The following DOCK4 variants were observed in gnomAD, a reference collection of about 807,000 sequenced individuals.
DOCK4 encodes dedicator of cytokinesis 4, also known as dedicator of cytokinesis protein 4.
A neutral mutation model predicts 268.1 loss-of-function variants in DOCK4; 97 were observed. The observed-to-expected ratio is 0.36, with a 90% CI of 0.31 to 0.43. DOCK4 has a LOEUF of 0.43. Ranked by LOEUF, DOCK4 falls within the 20% of genes least tolerant of loss-of-function variation. The pLI, the probability that DOCK4 is intolerant of heterozygous loss-of-function variation, is 1.00. For synonymous variants in DOCK4, 954 were observed against 887.2 expected (o/e 1.08, Z -1.34); for missense variants, 2,145 against 2,455.7 (o/e 0.87, Z 2.67).
Position 111,915,924 on chromosome 7 carries a change from C to G in DOCK4, c.1067-20G>C. On this transcript the variant is annotated intron_variant, in intron 12 of 52. Transcript: ENST00000428084. ...CTAAACCTAAAACAGATGAGAGATA[C>G]CCGAGTTAAAAACAGAATAGAAATA... is the stretch of plus-strand genomic sequence containing the variant. 1 of 1,603,752 alleles carries G rather than the reference C, an allele frequency of 6.2e-7. No individual in the cohort carries two copies.
chr7:112,063,726 A>T (rs1238390049), intron 1 of DOCK4, among the ~76,000 whole-genome samples: 1 of 152,200 alleles, frequency 6.6e-6, no homozygotes, highest in Non-Finnish European at 1.5e-5. Context: ...TCATCTTCCA[A>T]TTTAGGGTCT....
At chr7:111,808,352 T>C (rs1334323703) in intron 30 of DOCK4, among the ~76,000 whole-genome samples, 2 of 152,220 alleles carry the variant, frequency 1.3e-5, no homozygotes, top group Admixed American at 1.3e-4. Context: ...CAACTGCAGA[T>C]GCTTTTAAAA....
intron 1 of DOCK4, among the ~76,000 whole-genome samples, chr7:112,105,621 CTCTTTCTTCTTTT>C (rs1052594287): frequency 1.7e-4 from 25 of 148,956 alleles, no homozygotes; most frequent in African/African-American, 5.4e-4. Flanking sequence ...TTCCTTTTTC[CTCTTTCTTCTTTT>C]TCTTTCTTCT....
At chr7:111,935,710 G>T in intron 11 of DOCK4, 82 bp from the exon 12 acceptor site, 1 of 1,220,744 alleles carries the variant, frequency 8.2e-7, no homozygotes, top group Non-Finnish European at 1.2e-6. Flanking sequence ...TGCCCTTTTC[G>T]TTATAACCAC....
chr7:112,083,774 G>A (rs1284326134), intron 1 of DOCK4, among the ~76,000 whole-genome samples: 1 of 152,136 alleles, frequency 6.6e-6, no homozygotes, highest in Non-Finnish European at 1.5e-5. Flanking sequence ...ACTACATATA[G>A]TATGGAACCT....
intron 42 of DOCK4, among the ~76,000 whole-genome samples, chr7:111,750,228 A>G (rs1796541213): frequency 1.3e-5 from 2 of 152,128 alleles, no homozygotes; most frequent in Non-Finnish European, 1.5e-5. Flanking sequence ...TGATCCATTC[A>G]TTTTCTTTAC....
intron 1 of DOCK4, among the ~76,000 whole-genome samples, chr7:112,014,765 C>T (rs1278774554): frequency 2.0e-5 from 3 of 152,032 alleles, no homozygotes; most frequent in East Asian, 1.9e-4. Flanking sequence ...ATAAGCCAGG[C>T]GTGGTGGTGT....
chr7:111,893,489 TCTGAG>T (rs1808464532), intron 16 of DOCK4, among the ~76,000 whole-genome samples: 1 of 152,194 alleles, frequency 6.6e-6, no homozygotes, highest in Non-Finnish European at 1.5e-5. Flanking sequence ...CCTTATCTTT[TCTGAG>T]CTAAGATTTA....
At chr7:112,072,246 C>T (rs981441990) in intron 1 of DOCK4, among the ~76,000 whole-genome samples, 5 of 151,866 alleles carry the variant, frequency 3.3e-5, no homozygotes, top group African/African-American at 7.3e-5. Context: ...AAAAATCTAT[C>T]TATAACCAGA....
intron 1 of DOCK4, among the ~76,000 whole-genome samples, chr7:112,082,427 G>C (rs1808678683): frequency 6.6e-6 from 1 of 152,114 alleles, no homozygotes; most frequent in African/African-American, 2.4e-5. Context: ...GAAATAGCGG[G>C]GGTGGTTGCT....
intron 36 of DOCK4, among the ~76,000 whole-genome samples, chr7:111,772,188 A>G (rs1278097641): frequency 3.9e-5 from 6 of 152,188 alleles, no homozygotes; most frequent in Admixed American, 3.9e-4. Flanking sequence ...GGTACTCAGG[A>G]GGCTGAGGCC....
Position 111,944,794 on chromosome 7 carries a change from A to C in DOCK4, c.844+17T>G. On this transcript the variant is annotated intron_variant, in intron 10 of 52. Coordinates refer to ENST00000428084, the MANE Select transcript of DOCK4 (RefSeq NM_001363540.2). Reference sequence around the variant, plus strand: ...TCTGTTCCTTGCCCCTACTGCACTGACAAGTGTTATACCTACCGATTCGGA... The same window carrying C: ...TCTGTTCCTTGCCCCTACTGCACTGCCAAGTGTTATACCTACCGATTCGGA... The C allele has an allele frequency of 6.2e-7, 1 of 1,612,492 alleles. No individual in the cohort carries two copies. The highest frequency in any genetic ancestry group is 1.1e-5 in the South Asian group (1 of 91,044).
intron 30 of DOCK4, among the ~76,000 whole-genome samples, chr7:111,805,549 T>C (rs749687511): frequency 6.6e-6 from 1 of 152,212 alleles, no homozygotes; most frequent in Admixed American, 6.5e-5. Flanking sequence ...CTAGGTCTCA[T>C]AGGGTTGAAA....
intron 13 of DOCK4, among the ~76,000 whole-genome samples, chr7:111,908,833 C>A (rs941401830): frequency 6.6e-6 from 1 of 152,168 alleles, no homozygotes; most frequent in African/African-American, 2.4e-5. Flanking sequence ...CTTCTAGCTT[C>A]ATCCATGTCC....
chr7:111,963,086 G>T (rs572343446), intron 8 of DOCK4, among the ~76,000 whole-genome samples: 16 of 152,296 alleles, frequency 1.1e-4, no homozygotes, highest in African/African-American at 3.9e-4. Context: ...AACTTTAACC[G>T]ATGAAGCCCT....
At chr7:111,857,052 T>C (rs1805069904) in intron 23 of DOCK4, among the ~76,000 whole-genome samples, 1 of 152,154 alleles carries the variant, frequency 6.6e-6, no homozygotes, top group Non-Finnish European at 1.5e-5. Context: ...TTTTTAAGAA[T>C]AAAAGAAATG....
chr7:112,126,208 A>T (rs141592629), intron 1 of DOCK4, among the ~76,000 whole-genome samples: 4 of 152,252 alleles, frequency 2.6e-5, no homozygotes, highest in African/African-American at 7.2e-5. Flanking sequence ...TCAAAATGGC[A>T]TAACATTGAA....
chr7:112,181,474 A>G (rs1819026274), intron 1 of DOCK4, among the ~76,000 whole-genome samples: 1 of 151,908 alleles, frequency 6.6e-6, no homozygotes, highest in South Asian at 2.1e-4. Context: ...TGGGAAACAT[A>G]CTGAGACTCC....
chr7:112,111,948 A>C (rs953764339), intron 1 of DOCK4, among the ~76,000 whole-genome samples: 2 of 152,228 alleles, frequency 1.3e-5, no homozygotes, highest in Admixed American at 1.3e-4. Context: ...GTAAACGGGA[A>C]GTGAGTGGAA....
Sources: gnomAD v4.1 joint callset for allele counts (sites outside exome capture counted in the v4.1 genomes callset) on GRCh38, gnomAD v4.1.1 for gene constraint, MANE v1.5 for transcripts, NCBI Gene and HGNC (gene_info 2026-07-23, HGNC 2026-07-21) for gene names.